Variants in TTC7B observed in about 807,000 individuals in gnomAD.
TTC7B encodes the protein tetratricopeptide repeat domain 7B.
In TTC7B, 28 loss-of-function variants were observed where a neutral mutation model predicts 106.8. That is an observed-to-expected ratio of 0.26 (90% CI 0.19 to 0.36). TTC7B has a LOEUF of 0.36. TTC7B is among the 10% of genes least tolerant of loss of function. The pLI is 1.00. For synonymous variants in TTC7B, 405 were observed against 430.6 expected (o/e 0.94, Z 0.74); for missense variants, 862 against 1,076.4 (o/e 0.80, Z 2.79).
At chr14:90,648,403 T>A (rs1360695434) in intron 13 of TTC7B, 1 of 152,366 alleles carries the variant, frequency 6.6e-6, no homozygotes, top group Non-Finnish European at 1.5e-5. Flanking sequence ...CAGGCTGGAG[T>A]GCAGTGGCAT....
intron 5 of TTC7B, among the ~76,000 whole-genome samples, chr14:90,718,326 A>C (rs1468890681): frequency 1.3e-5 from 2 of 152,242 alleles, no homozygotes; most frequent in Non-Finnish European, 2.9e-5. Context: ...CTGGGCTAGG[A>C]TCTTCCCAGA....
intron 18 of TTC7B, among the ~76,000 whole-genome samples, chr14:90,580,138 T>G (rs1292166675): frequency 2.6e-5 from 4 of 152,202 alleles, no homozygotes; most frequent in Admixed American, 1.3e-4. Context: ...GTAAGCGACA[T>G]GAGGGCAGGG....
chr14:90,573,917 A>G lies in TTC7B; in HGVS notation c.2310+4189T>C, dbSNP rs531388478. On this transcript the variant is annotated intron_variant, in intron 19 of 19. Coordinates refer to ENST00000328459, the MANE Select transcript of TTC7B (RefSeq NM_001010854.2). ...CACGCAACCTTCTTGGCTCCCTTCC[A>G]TGTTCTTCTCTCTCCTGAAAGCCCT... Among the ~76,000 whole-genome samples the G allele has an allele frequency of 3.1e-3, 472 of 152,172 alleles. 4 individuals are homozygous for G. Among genetic ancestry groups the G allele is most frequent in the Non-Finnish European group, 3.5e-3 (241 of 68,014 alleles).
At chr14:90,739,705 G>C (rs574709707) in intron 4 of TTC7B, among the ~76,000 whole-genome samples, 1 of 152,342 alleles carries the variant, frequency 6.6e-6, no homozygotes, top group South Asian at 2.1e-4. Flanking sequence ...TTCTAAAATA[G>C]GGTGTAGAGA....
In TTC7B at chr14:90,655,109, A is replaced by G; in HGVS notation, c.1343T>C (p.Leu448Ser). ...TTTGGCAAACTTTTCAGCCTCTTCC[A>G]ACTGAAAAATGAGACAAGTTAAAAA... The part of the protein sequence containing the change: ...AKLCMGSLHW[L>S]EEAEKFAKTV... Residue 448 changes from leucine to serine, a missense_variant and splice_region_variant, in exon 12 of 20, where the codon TTG becomes TCG. By Grantham distance (145) the Leu-to-Ser change is moderately radical (BLOSUM62 -2). Coordinates refer to ENST00000328459, the MANE Select transcript of TTC7B (RefSeq NM_001010854.2). 1 of 1,611,270 alleles carries G rather than the reference A, an allele frequency of 6.2e-7. No homozygotes were observed. Among genetic ancestry groups the G allele is most frequent in the Non-Finnish European group, 8.5e-7 (1 of 1,177,392 alleles).
intron 9 of TTC7B, among the ~76,000 whole-genome samples, chr14:90,670,351 G>T (rs746305442): frequency 6.6e-6 from 1 of 152,190 alleles, no homozygotes; most frequent in Non-Finnish European, 1.5e-5. Context: ...GTATCGGGAA[G>T]GAGAGAATGA....
At chr14:90,776,602 G>A (rs1891038884) in intron 3 of TTC7B, among the ~76,000 whole-genome samples, 1 of 152,176 alleles carries the variant, frequency 6.6e-6, no homozygotes, top group Non-Finnish European at 1.5e-5. Flanking sequence ...GCAAAGGTGA[G>A]GCATTAAGGT....
intron 18 of TTC7B, among the ~76,000 whole-genome samples, chr14:90,587,184 A>G (rs1891751420): frequency 6.6e-6 from 1 of 152,124 alleles, no homozygotes; most frequent in East Asian, 1.9e-4. Flanking sequence ...TATGTTGCCC[A>G]GGCCGGACTC....
intron 3 of TTC7B, among the ~76,000 whole-genome samples, chr14:90,749,319 G>C (rs1356604004): frequency 6.6e-6 from 1 of 151,900 alleles, no homozygotes; most frequent in East Asian, 1.9e-4. Flanking sequence ...TCCTTCCTTA[G>C]GGGACTTTAC....
intron 6 of TTC7B, among the ~76,000 whole-genome samples, chr14:90,690,661 T>C (rs928803448): frequency 6.6e-6 from 1 of 152,242 alleles, no homozygotes. Context: ...ACTCTACCCA[T>C]GATCAGCCAG....
Position 90,531,352 on chromosome 14 carries a change from C to T in TTC7B, c.*10016G>A, listed in dbSNP as rs944209903. ...TTGGGAGGCTGAGGCGGGCAGATCACCTGAAGCAGGAGTTCGAGACCAGCC... is the reference window on the plus strand; with the variant it reads ...TTGGGAGGCTGAGGCGGGCAGATCATCTGAAGCAGGAGTTCGAGACCAGCC... On this transcript the variant is annotated 3_prime_UTR_variant, in exon 20 of 20. Coordinates refer to ENST00000328459, the MANE Select transcript of TTC7B (RefSeq NM_001010854.2). The T allele has an allele frequency of 6.6e-6, 1 of 152,038 alleles. No individual in the cohort carries two copies. The highest frequency in any genetic ancestry group is 1.5e-5 in the Non-Finnish European group (1 of 68,040). 9.4% of individuals were successfully genotyped at this position (152,038 alleles called of 1,614,324 possible). A position where few individuals can be genotyped will look rare whatever the true frequency, so the allele number is the denominator to read the frequency against.
At chr14:90,789,909 A>AAT (rs1555399856) in intron 1 of TTC7B, among the ~76,000 whole-genome samples, 39 of 150,596 alleles carry the variant, frequency 2.6e-4, no homozygotes, top group Middle Eastern at 3.4e-3. Flanking sequence ...AAAAAAAAAA[A>AAT]AAAATACTAT....
rs12896817 is a variant in TTC7B, at chr14:90,708,855, C to A, written c.699-13277G>T. 5.9e-3 allele frequency among the ~76,000 whole-genome samples: 899 copies of A among 151,908 alleles called. 3 individuals carry two copies. Among genetic ancestry groups the A allele is most frequent in the Middle Eastern group, 0.014 (4 of 294 alleles). On this transcript the variant is annotated intron_variant, in intron 5 of 19. Coordinates refer to ENST00000328459, the MANE Select transcript of TTC7B (RefSeq NM_001010854.2). ...AATTTACAAGAAAAAAACAAACAACCCCATCAAAAAGTGGGTGAAGGATAT... is the reference window on the plus strand; with the variant it reads ...AATTTACAAGAAAAAAACAAACAACACCATCAAAAAGTGGGTGAAGGATAT...
chr14:90,784,107 A>G (rs566999488), intron 2 of TTC7B, among the ~76,000 whole-genome samples: 1 of 152,216 alleles, frequency 6.6e-6, no homozygotes, highest in African/African-American at 2.4e-5. Context: ...CACACCTCCC[A>G]GCAGGACACT....
At chr14:90,649,548 G>A (rs780370951) in intron 13 of TTC7B, among the ~76,000 whole-genome samples, 3 of 152,252 alleles carry the variant, frequency 2.0e-5, no homozygotes, top group African/African-American at 4.8e-5. Flanking sequence ...CATAAACTCC[G>A]TGCCCATAAA....
intron 13 of TTC7B, among the ~76,000 whole-genome samples, chr14:90,649,726 A>C: frequency 6.7e-6 from 1 of 149,632 alleles, no homozygotes; most frequent in South Asian, 2.1e-4. Flanking sequence ...CCACCCATCC[A>C]CCCAGCCAAC....
intron 5 of TTC7B, among the ~76,000 whole-genome samples, chr14:90,701,924 G>A (rs375748387): frequency 6.6e-6 from 1 of 151,912 alleles, no homozygotes; most frequent in Non-Finnish European, 1.5e-5. Context: ...TCATGAACTT[G>A]TATTTTAATG....
rs570134210 is a variant in TTC7B, at chr14:90,627,751, C to T, written c.1752-9706G>A. Among the ~76,000 whole-genome samples the T allele has an allele frequency of 7.4e-4, 112 of 152,274 alleles. 1 individual carries two copies. Among genetic ancestry groups the T allele is most frequent in the African/African-American group, 2.3e-3 (97 of 41,562 alleles). On this transcript the variant is annotated intron_variant, in intron 15 of 19. Coordinates refer to ENST00000328459, the MANE Select transcript of TTC7B (RefSeq NM_001010854.2). ...CTGGAATACTCCCCCATCCTTCTAG[C>T]GGTATTTTTAGCACGAACAAACAAC...
chr14:90,676,742 C>T, intron 8 of TTC7B, 82 bp from the exon 9 acceptor site: 2 of 1,487,270 alleles, frequency 1.3e-6, no homozygotes, highest in Non-Finnish European at 1.8e-6. Flanking sequence ...CCCTCCTGCC[C>T]CTACCAATTT....
Sources: gnomAD v4.1 joint callset for allele counts (sites outside exome capture counted in the v4.1 genomes callset) on GRCh38, gnomAD v4.1.1 for gene constraint, MANE v1.5 for transcripts, NCBI Gene and HGNC (gene_info 2026-07-23, HGNC 2026-07-21) for gene names.